Variants in SORCS3 observed in about 807,000 individuals in gnomAD.
SORCS3 encodes the protein VPS10 domain-containing receptor SorCS3.
A neutral mutation model predicts 146.3 loss-of-function variants in SORCS3; 57 were observed. The observed-to-expected ratio is 0.39, with a 90% confidence interval of 0.31 to 0.49. SORCS3 has a LOEUF of 0.49. Among genes scored for constraint, SORCS3 ranks in the 20% least tolerant of loss-of-function variants. The pLI, the probability that SORCS3 is intolerant of heterozygous loss-of-function variation, is 0.92. For synonymous variants in SORCS3, 653 were observed against 618.5 expected (o/e 1.06, Z -0.83); for missense variants, 1,341 against 1,575.5 (o/e 0.85, Z 2.52).
intron 5 of SORCS3, among the ~76,000 whole-genome samples, chr10:105,056,561 A>T (rs1013130937): frequency 1.3e-5 from 2 of 152,230 alleles, no homozygotes; most frequent in African/African-American, 2.4e-5. Flanking sequence ...CATGATATTC[A>T]TGTTTTATGA....
chr10:104,875,523 C>G (rs1040676690), intron 2 of SORCS3, among the ~76,000 whole-genome samples: 1 of 152,124 alleles, frequency 6.6e-6, no homozygotes, highest in Admixed American at 6.6e-5. Context: ...TATGTAGTCT[C>G]TGAACTTAGT....
rs140414976 is a variant in SORCS3, at chr10:104,871,023, A to G, written c.695+28164A>G. On this transcript the variant is annotated intron_variant, in intron 2 of 26. Coordinates refer to ENST00000369701, the MANE Select transcript of SORCS3 (RefSeq NM_014978.3). ...GTGGGCAGAGCAGCCCTCCATACTC[A>G]TGGGGGCAGGGATGACCCTCTGTGC... is the stretch of plus-strand genomic sequence containing the variant. 5.9e-3 allele frequency among the ~76,000 whole-genome samples: 906 copies of G among 152,302 alleles called. 7 individuals carry two copies. The highest frequency in any genetic ancestry group is 0.017 in the South Asian group (80 of 4,828).
In SORCS3 at chr10:104,674,183, G is replaced by A. The variant is rs190505210; in HGVS notation, c.627+32229G>A. 3.3e-5 allele frequency among the ~76,000 whole-genome samples: 5 copies of A among 152,274 alleles called. No homozygotes were observed. The East Asian group carries it at 7.7e-4, about 23-fold the overall frequency. ...TTCTTTCTTCTATTAAGTTTTGTCTGTTCTTGAAAATCATATAAATGGAAT... is the reference window on the plus strand; with the variant it reads ...TTCTTTCTTCTATTAAGTTTTGTCTATTCTTGAAAATCATATAAATGGAAT... On this transcript the variant is annotated intron_variant, in intron 1 of 26. Coordinates refer to ENST00000369701, the MANE Select transcript of SORCS3 (RefSeq NM_014978.3).
In SORCS3 at chr10:105,046,070, A is replaced by G. The variant is rs962542137; in HGVS notation, c.1028+2942A>G. ...TGATCAACCAAAGCAAAACAATAACATGCATGAAAATGATTTCTTTGGGAG... is the reference window on the plus strand; with the variant it reads ...TGATCAACCAAAGCAAAACAATAACGTGCATGAAAATGATTTCTTTGGGAG... On this transcript the variant is annotated intron_variant, in intron 5 of 26. Transcript: ENST00000369701. 3.9e-5 allele frequency among the ~76,000 whole-genome samples: 6 copies of G among 152,254 alleles called. 1 individual carries two copies. The highest frequency in any genetic ancestry group is 6.8e-3 in the Middle Eastern group (2 of 294).
At chr10:105,062,764 G>A (rs1460708207) in intron 5 of SORCS3, among the ~76,000 whole-genome samples, 1 of 152,204 alleles carries the variant, frequency 6.6e-6, no homozygotes, top group African/African-American at 2.4e-5. Context: ...CCCCACCCTT[G>A]ATTGTTTGTC....
chr10:105,109,089 A>G (rs1184699682), intron 7 of SORCS3, among the ~76,000 whole-genome samples: 1 of 152,170 alleles, frequency 6.6e-6, no homozygotes, highest in African/African-American at 2.4e-5. Context: ...ATAGAAATTT[A>G]TATAACATAC....
chr10:105,150,778 T>C (rs1186483053), intron 9 of SORCS3, among the ~76,000 whole-genome samples: 1 of 152,152 alleles, frequency 6.6e-6, no homozygotes, highest in Non-Finnish European at 1.5e-5. Context: ...GTTTTGCACC[T>C]GGAGATACAT....
At chr10:105,108,379 A>G (rs752070900) in intron 7 of SORCS3, among the ~76,000 whole-genome samples, 5 of 152,128 alleles carry the variant, frequency 3.3e-5, no homozygotes, top group Admixed American at 6.5e-5. Flanking sequence ...TATTGGTGGC[A>G]TTTTTAGACC....
intron 9 of SORCS3, among the ~76,000 whole-genome samples, chr10:105,150,535 C>A (rs1306524437): frequency 6.6e-6 from 1 of 152,092 alleles, no homozygotes; most frequent in South Asian, 2.1e-4. Flanking sequence ...AAGAAGGAGG[C>A]ATTCCAAACG....
intron 1 of SORCS3, among the ~76,000 whole-genome samples, chr10:104,796,402 A>T (rs2017555982): frequency 6.6e-6 from 1 of 151,526 alleles, no homozygotes; most frequent in African/African-American, 2.4e-5. Flanking sequence ...TTTAGGGTAG[A>T]GTGTCTTTAA....
chr10:104,699,050 C>T (rs2016250272), intron 1 of SORCS3, among the ~76,000 whole-genome samples: 1 of 152,120 alleles, frequency 6.6e-6, no homozygotes, highest in Non-Finnish European at 1.5e-5. Flanking sequence ...AGGGATCCAT[C>T]GTCTTCTGAT....
intron 13 of SORCS3, among the ~76,000 whole-genome samples, chr10:105,172,334 A>T (rs1267927200): frequency 6.6e-6 from 1 of 152,192 alleles, no homozygotes; most frequent in African/African-American, 2.4e-5. Context: ...CTAGCGTTAG[A>T]ATAGGGGTTG....
At position 104,842,325 on chromosome 10, in the gene SORCS3, A is replaced by T. The variant is rs182842932; in HGVS notation, c.628-467A>T. Among the ~76,000 whole-genome samples, 19 of 152,298 alleles carry T rather than the reference A, an allele frequency of 1.2e-4. No individual in the cohort carries two copies. In the East Asian group the frequency reaches 3.7e-3, roughly 29 times the overall value. On this transcript the variant is annotated intron_variant, in intron 1 of 26. Transcript: ENST00000369701. ...CAAGGCCCTGTTGATGGAAACACAA[A>T]ATCTCTTTGAACCCCTTTTACAGAC... is the stretch of plus-strand genomic sequence containing the variant.
chr10:104,722,807 G>A (rs184198811), intron 1 of SORCS3, among the ~76,000 whole-genome samples: 2,751 of 152,280 alleles, frequency 0.018, 83 homozygotes, highest in African/African-American at 0.063. Flanking sequence ...TTGTATTTCT[G>A]TGGGATCGGT....
At chr10:105,198,334 G>T (rs967260433) in intron 14 of SORCS3, among the ~76,000 whole-genome samples, 1 of 152,092 alleles carries the variant, frequency 6.6e-6, no homozygotes, top group Non-Finnish European at 1.5e-5. Flanking sequence ...ATCTGAATGC[G>T]AGAGTTTTGA....
At chr10:105,263,208 C>A in intron 26 of SORCS3, 102 bp from the exon 27 acceptor site, 5 of 1,045,320 alleles carry the variant, frequency 4.8e-6, no homozygotes, top group East Asian at 2.5e-5. Context: ...TCCTATTAAG[C>A]ACCTGTTCTG....
intron 2 of SORCS3, among the ~76,000 whole-genome samples, chr10:104,898,538 G>T (rs1296578822): frequency 6.6e-6 from 1 of 152,132 alleles, no homozygotes; most frequent in African/African-American, 2.4e-5. Context: ...TATTCCTGTG[G>T]CAGGGACTGA....
At chr10:105,237,843 A>G (rs2056801574) in intron 20 of SORCS3, among the ~76,000 whole-genome samples, 1 of 152,230 alleles carries the variant, frequency 6.6e-6, no homozygotes, top group African/African-American at 2.4e-5. Flanking sequence ...GAATACAATT[A>G]AGGAAATAAC....
intron 2 of SORCS3, among the ~76,000 whole-genome samples, chr10:104,857,894 G>A (rs1377779805): frequency 6.6e-6 from 1 of 152,176 alleles, no homozygotes; most frequent in African/African-American, 2.4e-5. Flanking sequence ...TTCATTCCTC[G>A]GTGAGGATCT....
Sources: gnomAD v4.1 joint callset for allele counts (sites outside exome capture counted in the v4.1 genomes callset) on GRCh38, gnomAD v4.1.1 for gene constraint, MANE v1.5 for transcripts, NCBI Gene and HGNC (gene_info 2026-07-23, HGNC 2026-07-21) for gene names.